Variants in ZNF704 observed in about 807,000 individuals in gnomAD.
ZNF704 encodes glucocorticoid induced gene 1.
Under a neutral mutation model 44.7 loss-of-function variants are expected in ZNF704, and 10 were observed. The ratio of observed to expected loss-of-function variants is 0.22; its 90% CI spans 0.14 to 0.38. The LOEUF (loss-of-function observed/expected upper bound fraction) is 0.38. ZNF704 is among the 10% of genes least tolerant of loss of function. The pLI, the probability that ZNF704 is intolerant of heterozygous loss-of-function variation, is 1.00. For missense variants in ZNF704, 390 were observed against 545.5 expected (o/e 0.71, Z 2.84); for synonymous variants, 211 against 207.6 (o/e 1.02, Z -0.14).
chr8:80,846,428 ACG>A (rs1020884755), intron 1 of ZNF704, among the ~76,000 whole-genome samples: 1 of 144,596 alleles, frequency 6.9e-6, no homozygotes, highest in African/African-American at 2.5e-5. Flanking sequence ...ACACACACAC[ACG>A]TTAATTCTTC....
chr8:80,837,546 A>T (rs1808602630), intron 1 of ZNF704, among the ~76,000 whole-genome samples: 1 of 152,126 alleles, frequency 6.6e-6, no homozygotes. Flanking sequence ...TGTTAGGGGC[A>T]GACCATCGAG....
chr8:80,791,849 C>T (rs1807713515), intron 2 of ZNF704, among the ~76,000 whole-genome samples: 1 of 152,188 alleles, frequency 6.6e-6, no homozygotes, highest in African/African-American at 2.4e-5. Flanking sequence ...ATTCTCAGGA[C>T]ATCCATGCAG....
At chr8:80,671,480 A>C (rs145142195) in intron 4 of ZNF704, among the ~76,000 whole-genome samples, 143 of 152,380 alleles carry the variant, frequency 9.4e-4, no homozygotes, top group African/African-American at 3.3e-3. Context: ...TATGAGGATT[A>C]AATGACATCA....
chr8:80,762,923 T>G (rs1424629227), intron 2 of ZNF704, among the ~76,000 whole-genome samples: 4 of 152,202 alleles, frequency 2.6e-5, no homozygotes, highest in Admixed American at 6.5e-5. Context: ...AGGCCCCATG[T>G]AAGTCCAAAA....
intron 1 of ZNF704, among the ~76,000 whole-genome samples, chr8:80,847,229 AC>A (rs1214819938): frequency 6.6e-6 from 1 of 152,062 alleles, no homozygotes; most frequent in Non-Finnish European, 1.5e-5. Context: ...ACTTACAGTC[AC>A]CCCTCAAAAA....
At chr8:80,788,143 C>T (rs893985780) in intron 2 of ZNF704, among the ~76,000 whole-genome samples, 2 of 151,970 alleles carry the variant, frequency 1.3e-5, no homozygotes, top group African/African-American at 2.4e-5. Context: ...AAAAGTGTTG[C>T]AATAATTAGA....
chr8:80,882,729 T>A, the ZNF704 span, among the ~76,000 whole-genome samples: 1 of 152,224 alleles, frequency 6.6e-6, no homozygotes, highest in South Asian at 2.1e-4. Flanking sequence ...TAAATTGACC[T>A]GCAGCAAGTC....
chr8:80,734,974 G>T (rs1806642939), intron 2 of ZNF704, among the ~76,000 whole-genome samples: 1 of 152,032 alleles, frequency 6.6e-6, no homozygotes, highest in African/African-American at 2.4e-5. Flanking sequence ...CATCCTGCAG[G>T]TTACTTCCTT....
the ZNF704 span, among the ~76,000 whole-genome samples, chr8:80,882,206 A>C: frequency 6.6e-6 from 1 of 152,226 alleles, no homozygotes; most frequent in Non-Finnish European, 1.5e-5. Context: ...CGGCTTTACG[A>C]AAGAGTTTGC....
Position 80,631,116 on chromosome 8 carries a change from CG to C in ZNF704, c.*10249del, listed in dbSNP as rs1244481577. 1 of 152,008 alleles carries C rather than the reference CG, an allele frequency of 6.6e-6. No individual in the cohort carries two copies. The highest frequency in any genetic ancestry group is 2.4e-5 in the African/African-American group (1 of 41,374). The allele number at this position is 152,008 out of a possible 1,614,324, so 9.4% of individuals were successfully genotyped here. On this transcript the variant is annotated 3_prime_UTR_variant, in exon 9 of 9. Coordinates refer to ENST00000327835, the MANE Select transcript of ZNF704 (RefSeq NM_001033723.3). ...CAGGTGTTGGTCACATCACAGCCAT[CG>C]ATTTCCAATAAGCAGAGTATGGAAA...
In ZNF704 at chr8:80,780,391, A is replaced by T. The variant is rs73692136; in HGVS notation, c.221+40983T>A. ...TTGAGAAGCGGATGGAATCTTCAAG[A>T]CTTGGAAACTGACTGGCTGTTGGGG... On this transcript the variant is annotated intron_variant, in intron 2 of 8. Transcript: ENST00000327835. Among the ~76,000 whole-genome samples, 240 of 152,236 alleles carry T rather than the reference A, an allele frequency of 1.6e-3. 2 individuals are homozygous for T. Among genetic ancestry groups the T allele is most frequent in the African/African-American group, 5.6e-3 (233 of 41,540 alleles).
At chr8:80,680,206 T>C (rs73271050) in intron 4 of ZNF704, among the ~76,000 whole-genome samples, 5,999 of 152,284 alleles carry the variant, frequency 0.039, 394 homozygotes, top group African/African-American at 0.13. Flanking sequence ...TGAAGAATTA[T>C]GTAACATTTT....
chr8:80,689,208 A>G (rs1443611698), intron 3 of ZNF704, among the ~76,000 whole-genome samples: 1 of 152,206 alleles, frequency 6.6e-6, no homozygotes, highest in African/African-American at 2.4e-5. Flanking sequence ...TGGAGTGAAG[A>G]CAAATGGTAG....
chr8:80,783,309 A>T (rs1051288988), intron 2 of ZNF704, among the ~76,000 whole-genome samples: 5 of 152,192 alleles, frequency 3.3e-5, no homozygotes, highest in African/African-American at 1.2e-4. Flanking sequence ...ATGTGACTTT[A>T]GTCCATTCTT....
chr8:80,656,422 AAG>A (rs1035369909), intron 7 of ZNF704, among the ~76,000 whole-genome samples: 4 of 152,222 alleles, frequency 2.6e-5, no homozygotes, highest in African/African-American at 9.6e-5. Context: ...CTGTCATGAA[AAG>A]AGAGAGAAAG....
intron 2 of ZNF704, chr8:80,749,812 G>A (rs1312290384): frequency 6.6e-6 from 1 of 150,610 alleles, no homozygotes; most frequent in Admixed American, 6.6e-5. Flanking sequence ...GTGTCCCTGT[G>A]GAGAGCAGCA....
rs1382006763 is a variant in ZNF704 at position 80,641,043 on chromosome 8, G to A, written c.*323C>T. 1 of 183,582 alleles carries A rather than the reference G, an allele frequency of 5.4e-6. No individual in the cohort carries two copies. Among genetic ancestry groups the A allele is most frequent in the Admixed American group, 6.0e-5 (1 of 16,758 alleles). 11.4% of individuals were successfully genotyped at this position (183,582 alleles called of 1,614,324 possible). ...TATGCCTCCTTTCTAGGTAAAATGG[G>A]CTTTGTTGGTTCAATTGCTACAGAA... On this transcript the variant is annotated 3_prime_UTR_variant, in exon 9 of 9. Coordinates refer to ENST00000327835, the MANE Select transcript of ZNF704 (RefSeq NM_001033723.3).
intron 1 of ZNF704, among the ~76,000 whole-genome samples, chr8:80,846,799 T>C (rs542219421): frequency 6.6e-6 from 1 of 152,284 alleles, no homozygotes; most frequent in African/African-American, 2.4e-5. Flanking sequence ...CTCAGCAAGA[T>C]TGCAGGATAC....
At chr8:80,646,779 C>T (rs962134730) in intron 7 of ZNF704, among the ~76,000 whole-genome samples, 2 of 152,140 alleles carry the variant, frequency 1.3e-5, no homozygotes, top group African/African-American at 4.8e-5. Flanking sequence ...GAGACATCTA[C>T]AGTCACTGTA....
Sources: gnomAD v4.1 joint callset for allele counts (sites outside exome capture counted in the v4.1 genomes callset) on GRCh38, gnomAD v4.1.1 for gene constraint, MANE v1.5 for transcripts, NCBI Gene and HGNC (gene_info 2026-07-23, HGNC 2026-07-21) for gene names.